ZFPM2: variants seen among roughly 807,000 people sequenced by gnomAD.
The protein encoded by ZFPM2 is zinc finger protein, FOG family member 2.
A neutral mutation model predicts 98.6 loss-of-function variants in ZFPM2; 20 were observed. The observed-to-expected ratio is 0.20, with a 90% CI of 0.14 to 0.29. The LOEUF is 0.29. Ranked by LOEUF, ZFPM2 falls within the 10% of genes least tolerant of loss-of-function variation. ZFPM2 has a pLI of 1.00. For missense variants in ZFPM2, 1,310 were observed against 1,388.6 expected, an observed-to-expected ratio of 0.94 and a Z score of 0.90; for synonymous variants, 518 against 502.7, an observed-to-expected ratio of 1.03 and a Z score of -0.41.
At chr8:105,433,193 AT>A in intron 2 of ZFPM2, among the ~76,000 whole-genome samples, 1 of 152,348 alleles carries the variant, frequency 6.6e-6, no homozygotes, top group African/African-American at 2.4e-5. Context: ...GAGGAATAAA[AT>A]TATCAAGAGA....
At chr8:105,525,057 G>A (rs1814145842) in intron 3 of ZFPM2, among the ~76,000 whole-genome samples, 1 of 152,120 alleles carries the variant, frequency 6.6e-6, no homozygotes, top group Non-Finnish European at 1.5e-5. Flanking sequence ...TGCAGCAATT[G>A]ACACCAAATG....
At chr8:105,617,361 C>G (rs761620494) in intron 4 of ZFPM2, among the ~76,000 whole-genome samples, 5 of 152,058 alleles carry the variant, frequency 3.3e-5, no homozygotes, top group Non-Finnish European at 7.4e-5. Context: ...TGAAACTGCT[C>G]TGTCAGATTT....
chr8:105,789,790 G>A (rs1813542188), intron 6 of ZFPM2, among the ~76,000 whole-genome samples: 1 of 152,184 alleles, frequency 6.6e-6, no homozygotes, highest in African/African-American at 2.4e-5. Flanking sequence ...ACTGGGGTGA[G>A]ATGATATCTC....
chr8:105,650,416 T>C (rs1441751829), intron 5 of ZFPM2, among the ~76,000 whole-genome samples: 1 of 152,210 alleles, frequency 6.6e-6, no homozygotes, highest in Non-Finnish European at 1.5e-5. Flanking sequence ...TGCCTTCTGC[T>C]AGCTTTTGAA....
chr8:105,712,881 A>T (rs1811436726), intron 5 of ZFPM2, among the ~76,000 whole-genome samples: 1 of 152,038 alleles, frequency 6.6e-6, no homozygotes, highest in Admixed American at 6.6e-5. Context: ...TGCAAAGGAC[A>T]TGATATCATT....
At chr8:105,577,778 A>C (rs1317210543) in intron 4 of ZFPM2, among the ~76,000 whole-genome samples, 1 of 150,028 alleles carries the variant, frequency 6.7e-6, no homozygotes, top group African/African-American at 2.4e-5. Context: ...AGGAAACCAA[A>C]AAAAAAAAAA....
At chr8:105,536,433 G>A (rs1429694466) in intron 3 of ZFPM2, among the ~76,000 whole-genome samples, 1 of 151,690 alleles carries the variant, frequency 6.6e-6, no homozygotes, top group African/African-American at 2.4e-5. Context: ...ATGGTTTACT[G>A]TGGAATCTTA....
At chr8:105,672,262 G>A (rs1326800906) in intron 5 of ZFPM2, among the ~76,000 whole-genome samples, 1 of 151,100 alleles carries the variant, frequency 6.6e-6, no homozygotes, top group Non-Finnish European at 1.5e-5. Flanking sequence ...ATATTCTTTG[G>A]TTCAAGAAAA....
intron 3 of ZFPM2, among the ~76,000 whole-genome samples, chr8:105,544,646 G>A (rs1814653531): frequency 6.6e-6 from 1 of 152,148 alleles, no homozygotes; most frequent in Non-Finnish European, 1.5e-5. Context: ...TAAATATAAA[G>A]GTGGAAGTGT....
intron 5 of ZFPM2, among the ~76,000 whole-genome samples, chr8:105,700,426 G>T (rs2130955728): frequency 6.6e-6 from 1 of 152,294 alleles, no homozygotes; most frequent in East Asian, 1.9e-4. Flanking sequence ...CTGGTTATTT[G>T]ATTAATAATA....
At chr8:105,430,647 G>A (rs1812001538) in intron 2 of ZFPM2, among the ~76,000 whole-genome samples, 1 of 152,142 alleles carries the variant, frequency 6.6e-6, no homozygotes. Context: ...ACCTGTTGCT[G>A]GCACTAAGGG....
intron 4 of ZFPM2, among the ~76,000 whole-genome samples, chr8:105,585,533 T>C (rs1349009639): frequency 6.6e-6 from 1 of 152,226 alleles, no homozygotes; most frequent in Non-Finnish European, 1.5e-5. Flanking sequence ...TAACAAACAT[T>C]TGTCATTAGC....
chr8:105,524,670 T>C (rs542636199), intron 3 of ZFPM2, among the ~76,000 whole-genome samples: 2 of 152,286 alleles, frequency 1.3e-5, no homozygotes, highest in Admixed American at 1.3e-4. Flanking sequence ...TTAGATGGTA[T>C]CTGTGATCAA....
chr8:105,459,038 A>G (rs906346449), intron 3 of ZFPM2, among the ~76,000 whole-genome samples: 3 of 151,990 alleles, frequency 2.0e-5, no homozygotes, highest in African/African-American at 7.3e-5. Context: ...TCTACAAACC[A>G]TTTTCTTATT....
At chr8:105,607,411 GC>G (rs1816217597) in intron 4 of ZFPM2, among the ~76,000 whole-genome samples, 1 of 152,058 alleles carries the variant, frequency 6.6e-6, no homozygotes, top group Non-Finnish European at 1.5e-5. Context: ...GGAGGACCTT[GC>G]TATCTCCGAT....
rs1491585306 is a variant in ZFPM2 at position 105,393,320 on chromosome 8, C to CT, written c.41-25824_41-25823insT. 4.6e-3 allele frequency among the ~76,000 whole-genome samples: 251 copies of CT among 54,282 alleles called. 2 individuals carry two copies. The highest frequency in any genetic ancestry group is 0.014 in the African/African-American group (240 of 17,126). The allele number at this position is 54,282 out of a possible 152,430, so 35.6% of individuals were successfully genotyped here. ...GTCTTCCTTCCTTCCTTTCTTCCTT[C>CT]CCTCTCTCTCTCTTTGCCTTTCTTT... On this transcript the variant is annotated intron_variant, in intron 1 of 7. Transcript: ENST00000407775.
At chr8:105,725,304 G>A (rs550106852) in intron 5 of ZFPM2, among the ~76,000 whole-genome samples, 3 of 151,684 alleles carry the variant, frequency 2.0e-5, no homozygotes, top group Admixed American at 6.6e-5. Flanking sequence ...TTTTATTAGA[G>A]ATATAAGTTA....
chr8:105,543,839 T>C lies in ZFPM2; in HGVS notation c.302-17524T>C, dbSNP rs1296541218. On this transcript the variant is annotated intron_variant, in intron 3 of 7. Transcript: ENST00000407775. ...CAACTTATTATTAGACATGATACTT[T>C]CCGTCATGAACCACATAACTTGGGT... is the stretch of plus-strand genomic sequence containing the variant. 2.0e-5 allele frequency among the ~76,000 whole-genome samples: 3 copies of C among 152,208 alleles called. No individual in the cohort carries two copies. The East Asian group carries it at 5.8e-4, about 29-fold the overall frequency.
At chr8:105,660,623 A>G (rs944288611) in intron 5 of ZFPM2, among the ~76,000 whole-genome samples, 20 of 152,228 alleles carry the variant, frequency 1.3e-4, no homozygotes, top group Admixed American at 5.2e-4. Context: ...ATATACACAC[A>G]TACATATATG....
Sources: gnomAD v4.1 joint callset for allele counts (sites outside exome capture counted in the v4.1 genomes callset) on GRCh38, gnomAD v4.1.1 for gene constraint, MANE v1.5 for transcripts, NCBI Gene and HGNC (gene_info 2026-07-23, HGNC 2026-07-21) for gene names.